The following CD44 variants were observed in gnomAD, a reference collection of about 807,000 sequenced individuals.
CD44 encodes CD44 molecule (IN blood group).
In CD44, 49 loss-of-function variants were observed where a neutral mutation model predicts 88.8. The ratio of observed to expected loss-of-function variants is 0.55; its 90% CI spans 0.44 to 0.70. CD44 has a LOEUF of 0.70. CD44 is among the 30% of genes least tolerant of loss of function. The pLI is 0.00. For synonymous variants in CD44, 325 were observed against 312.3 expected (o/e 1.04, Z -0.43); for missense variants, 883 against 913.8 (o/e 0.97, Z 0.43).
intron 5 of CD44, among the ~76,000 whole-genome samples, chr11:35,195,683 C>A (rs751841224): frequency 6.6e-6 from 1 of 151,966 alleles, no homozygotes; most frequent in Non-Finnish European, 1.5e-5. Flanking sequence ...TCTTCCAATG[C>A]ACATTTTTGG....
chr11:35,197,038 T>C, intron 6 of CD44, 164 bp downstream of exon 6: 1 of 640,924 alleles, frequency 1.6e-6, no homozygotes, highest in South Asian at 2.0e-5. Context: ...TGTTTGCTTG[T>C]ATGGCACCAA....
intron 1 of CD44, among the ~76,000 whole-genome samples, chr11:35,159,562 A>C (rs532314918): frequency 2.6e-5 from 4 of 152,320 alleles, no homozygotes; most frequent in African/African-American, 9.6e-5. Flanking sequence ...CTGTAGGAGA[A>C]GGGAAAAAAA....
At chr11:35,169,815 A>C (rs1220886183) in intron 1 of CD44, among the ~76,000 whole-genome samples, 3 of 152,202 alleles carry the variant, frequency 2.0e-5, no homozygotes, top group Non-Finnish European at 4.4e-5. Context: ...ATTTGGGATC[A>C]GTGATGGTTT....
At chr11:35,144,886 T>C (rs182594819) in intron 1 of CD44, among the ~76,000 whole-genome samples, 1 of 152,376 alleles carries the variant, frequency 6.6e-6, no homozygotes, top group East Asian at 1.9e-4. Context: ...TAGGATGGTG[T>C]CAATTAAATT....
At chr11:35,169,095 C>T (rs563683552) in intron 1 of CD44, among the ~76,000 whole-genome samples, 67 of 152,266 alleles carry the variant, frequency 4.4e-4, no homozygotes, top group African/African-American at 1.6e-3. Context: ...GGAAAGGAAC[C>T]TGATAGGTGA....
At chr11:35,170,687 G>T (rs1040817278) in intron 1 of CD44, among the ~76,000 whole-genome samples, 3 of 152,222 alleles carry the variant, frequency 2.0e-5, no homozygotes, top group African/African-American at 7.2e-5. Flanking sequence ...AGCCAGAAAG[G>T]CTTGTTTGAG....
chr11:35,159,657 T>G (rs762073574), intron 1 of CD44, among the ~76,000 whole-genome samples: 1 of 152,216 alleles, frequency 6.6e-6, no homozygotes, highest in African/African-American at 2.4e-5. Flanking sequence ...CATCAACTTC[T>G]CTTTGAGAGA....
chr11:35,189,830 C>G lies in CD44; in HGVS notation c.437-5C>G, dbSNP rs1946092687. ...AGTTCTGTAAGTACCTTTTCTCTCT[C>G]CCAGCTATTGTTAACCGTGATGGCA... On this transcript the variant is annotated splice_polypyrimidine_tract_variant and splice_region_variant and intron_variant, in intron 4 of 17. Transcript: ENST00000428726. 6.2e-7 allele frequency: 1 copy of G among 1,600,578 alleles called. No homozygotes were observed. Among genetic ancestry groups the G allele is most frequent in the South Asian group, 1.1e-5 (1 of 90,456 alleles).
intron 15 of CD44, among the ~76,000 whole-genome samples, chr11:35,217,925 C>T (rs1338246016): frequency 1.3e-5 from 2 of 152,068 alleles, no homozygotes; most frequent in East Asian, 1.9e-4. Flanking sequence ...TTAGAAGTTT[C>T]TTTTTTAAAA....
chr11:35,177,998 T>C (rs1376613472), intron 2 of CD44, among the ~76,000 whole-genome samples: 1 of 152,178 alleles, frequency 6.6e-6, no homozygotes, highest in East Asian at 1.9e-4. Context: ...CAGATGTACA[T>C]AGACATCTGT....
chr11:35,210,104 A>G, intron 13 of CD44, 50 bp downstream of exon 13: 1 of 1,027,040 alleles, frequency 9.7e-7, no homozygotes, highest in Non-Finnish European at 1.4e-6. Context: ...AGAATCAATC[A>G]ATTATGGGTA....
intron 16 of CD44, 81 bp from the exon 17 acceptor site, chr11:35,221,573 A>T: frequency 1.7e-6 from 2 of 1,175,886 alleles, no homozygotes; most frequent in Non-Finnish European, 2.6e-6. Context: ...TGTTTCAACT[A>T]GGTCAATTAT....
chr11:35,172,104 T>C (rs1014368709), intron 1 of CD44, among the ~76,000 whole-genome samples: 4 of 152,196 alleles, frequency 2.6e-5, no homozygotes, highest in Non-Finnish European at 5.9e-5. Flanking sequence ...ACAAACAAAA[T>C]GCCTTGAGCA....
In CD44 at chr11:35,204,629, C is replaced by T. The variant is rs759789457; in HGVS notation, c.1271C>T (p.Thr424Ile). Residue 424 changes from threonine to isoleucine, a missense_variant, in exon 10 of 18, where the codon ACA (threonine) becomes ATA (isoleucine). Physicochemically the swap from Thr to Ile is moderately conservative, Grantham distance 89. This residue lies in a region of CD44 where 631 missense variants were observed against 590.9 expected (regional missense o/e 1.07). Transcript: ENST00000428726. ...CCCAAAGAAGACTCCCATTCGACAA[C>T]AGGGACAGCTGGTAATGGATGGTTT... ...QTPKEDSHST[T>I]GTAAASAHTS... 2 of 1,613,050 alleles carry T rather than the reference C, an allele frequency of 1.2e-6. No individual in the cohort carries two copies. Among genetic ancestry groups the T allele is most frequent in the Non-Finnish European group, 1.7e-6 (2 of 1,179,208 alleles).
chr11:35,154,613 C>T (rs990177206), intron 1 of CD44, among the ~76,000 whole-genome samples: 2 of 152,150 alleles, frequency 1.3e-5, no homozygotes, highest in Admixed American at 6.5e-5. Context: ...TTTATTCTCT[C>T]AATGACGATG....
chr11:35,183,173 C>T (rs1413429713), intron 3 of CD44, among the ~76,000 whole-genome samples: 5 of 151,838 alleles, frequency 3.3e-5, no homozygotes, highest in Non-Finnish European at 7.4e-5. Context: ...CAAATTGACT[C>T]GATATTGATG....
At chr11:35,183,587 T>A (rs2133796589) in intron 3 of CD44, among the ~76,000 whole-genome samples, 1 of 152,340 alleles carries the variant, frequency 6.6e-6, no homozygotes, top group South Asian at 2.1e-4. Flanking sequence ...AAAAGTCAGC[T>A]TGATCTTAGT....
At position 35,230,517 on chromosome 11, in the gene CD44, T is replaced by C. The variant is rs942111691; in HGVS notation, c.*1184T>C. ...GGCAAAGGGGAAGGATGATGCCATG[T>C]AGATCCTGTTTGACATTTTTATGGC... On this transcript the variant is annotated 3_prime_UTR_variant, in exon 18 of 18. Transcript: ENST00000428726. 2.0e-5 allele frequency: 3 copies of C among 152,248 alleles called. No individual in the cohort carries two copies. The highest frequency in any genetic ancestry group is 2.0e-4 in the Admixed American group (3 of 15,282). The allele number at this position is 152,248 out of a possible 1,614,324, so 9.4% of individuals were successfully genotyped here. A position where few individuals can be genotyped will look rare whatever the true frequency, so the allele number is the denominator to read the frequency against.
Position 35,217,101 on chromosome 11 carries a change from C to A in CD44, c.1873+2187C>A, listed in dbSNP as rs201934126. Reference sequence around the variant, plus strand: ...TAGACATCTAGGGCACAAGGCAAGACCTGCTATCTCACATCCATCTTCTGT... The same window carrying A: ...TAGACATCTAGGGCACAAGGCAAGAACTGCTATCTCACATCCATCTTCTGT... On this transcript the variant is annotated intron_variant, in intron 15 of 17. Coordinates refer to ENST00000428726, the MANE Select transcript of CD44 (RefSeq NM_000610.4). Among the ~76,000 whole-genome samples the A allele has an allele frequency of 3.4e-5, 5 of 149,064 alleles. No homozygotes were observed. In the East Asian group the frequency reaches 9.7e-4, roughly 29 times the overall value.
Sources: gnomAD v4.1 joint callset for allele counts (sites outside exome capture counted in the v4.1 genomes callset) on GRCh38, gnomAD v4.1.1 for gene constraint, gnomAD v4.1.1 regional missense constraint, MANE v1.5 for transcripts, NCBI Gene and HGNC (gene_info 2026-07-23, HGNC 2026-07-21) for gene names.